The following HIRA variants were observed in gnomAD, a reference collection of about 807,000 sequenced individuals.
The protein encoded by HIRA is histone cell cycle regulator.
HIRA carries 13 observed loss-of-function variants against 126.6 expected under a neutral mutation model. The ratio of observed to expected loss-of-function variants is 0.10; its 90% confidence interval spans 0.07 to 0.16. The LOEUF (loss-of-function observed/expected upper bound fraction) is 0.16. Ranked by LOEUF, HIRA falls within the 10% of genes least tolerant of loss-of-function variation. The pLI is 1.00. For synonymous variants in HIRA, 511 were observed against 520.0 expected (o/e 0.98, Z 0.24); for missense variants, 834 against 1,314.4 (o/e 0.63, Z 5.65).
chr22:19,429,039 C>T (rs979871605), intron 1 of HIRA, among the ~76,000 whole-genome samples: 1 of 151,904 alleles, frequency 6.6e-6, no homozygotes, highest in Non-Finnish European at 1.5e-5. Context: ...CTTGACAGTC[C>T]TTCTGAACAT....
intron 1 of HIRA, among the ~76,000 whole-genome samples, chr22:19,416,329 TTTC>T (rs1376905589): frequency 6.6e-6 from 1 of 152,122 alleles, no homozygotes; most frequent in Admixed American, 6.6e-5. Context: ...CTTTCTTTCT[TTTC>T]TTTTTTTTTG....
At chr22:19,367,485 G>A (rs1030868736) in intron 15 of HIRA, among the ~76,000 whole-genome samples, 1 of 151,748 alleles carries the variant, frequency 6.6e-6, no homozygotes, top group African/African-American at 2.4e-5. Context: ...TCCTGCCTCA[G>A]CCTCCCAAGT....
intron 18 of HIRA, among the ~76,000 whole-genome samples, 168 bp from the exon 19 acceptor site, chr22:19,357,219 G>A (rs1325638612): frequency 6.6e-6 from 1 of 152,260 alleles, no homozygotes; most frequent in African/African-American, 2.4e-5. Context: ...TGGTGGGGCT[G>A]TTGGAGCCTC....
chr22:19,396,712 C>T, intron 7 of HIRA, 75 bp downstream of exon 7: 3 of 1,511,976 alleles, frequency 2.0e-6, no homozygotes, highest in Admixed American at 3.7e-5. Flanking sequence ...TGGCCAGCTC[C>T]CTCTCTGTAC....
intron 1 of HIRA, among the ~76,000 whole-genome samples, chr22:19,427,577 T>A (rs998843144): frequency 6.6e-6 from 1 of 152,230 alleles, no homozygotes; most frequent in Non-Finnish European, 1.5e-5. Context: ...CATAAGGCCA[T>A]GTGATTACCA....
In HIRA at chr22:19,419,935, C is replaced by T. The variant is rs186566240; in HGVS notation, c.38-9157G>A. On this transcript the variant is annotated intron_variant, in intron 1 of 24. Coordinates refer to ENST00000263208, the MANE Select transcript of HIRA (RefSeq NM_003325.4). ...ACCACTTTCGACCACAAAAACTTAT[C>T]CCCATCTTCTTTAGTAAGCATGACA... Among the ~76,000 whole-genome samples, 8 of 152,296 alleles carry T rather than the reference C, an allele frequency of 5.3e-5. No homozygotes were observed. The East Asian group carries it at 1.5e-3, about 29-fold the overall frequency.
chr22:19,385,450 C>A lies in HIRA; in HGVS notation c.1329+71G>T, dbSNP rs115241676. The A allele has an allele frequency of 3.5e-6, 5 of 1,436,352 alleles. No homozygotes were observed. The East Asian group carries it at 1.1e-4, about 33-fold the overall frequency. 89.0% of individuals were successfully genotyped at this position (1,436,352 alleles called of 1,614,324 possible). ...TAAACAAACCCCTTCCTTACCACCA[C>A]TGGTGTCTGCCCCTCACCCTGTCCC... On this transcript the variant is annotated intron_variant, in intron 12 of 24. Transcript: ENST00000263208.
intron 21 of HIRA, among the ~76,000 whole-genome samples, chr22:19,355,058 G>A (rs543594554): frequency 9.2e-4 from 140 of 152,058 alleles, no homozygotes; most frequent in Non-Finnish European, 1.5e-3. Flanking sequence ...GTGAGCCATC[G>A]CACCCAGCAG....
At chr22:19,360,922 G>A (rs777187941) in intron 17 of HIRA, among the ~76,000 whole-genome samples, 21 of 152,178 alleles carry the variant, frequency 1.4e-4, no homozygotes, top group Non-Finnish European at 2.4e-4. Context: ...GTGTGTGGAG[G>A]TGGAGGTGGC....
At chr22:19,335,913 C>G (rs1556005854) in intron 24 of HIRA, among the ~76,000 whole-genome samples, 1 of 152,214 alleles carries the variant, frequency 6.6e-6, no homozygotes, top group African/African-American at 2.4e-5. Context: ...GTCAGTAGGT[C>G]TGTTTAGAAA....
chr22:19,359,051 G>A (rs1028288401), intron 18 of HIRA, among the ~76,000 whole-genome samples: 2 of 152,180 alleles, frequency 1.3e-5, no homozygotes, highest in Non-Finnish European at 2.9e-5. Flanking sequence ...TGGGGATCTG[G>A]CTGGACAAGG....
At chr22:19,383,209 T>C (rs1331096708) in intron 13 of HIRA, among the ~76,000 whole-genome samples, 2 of 152,196 alleles carry the variant, frequency 1.3e-5, no homozygotes, top group African/African-American at 2.4e-5. Flanking sequence ...TGATTATGGA[T>C]AATGTTTTTT....
chr22:19,389,400 AT>A (rs1404809157), intron 9 of HIRA, among the ~76,000 whole-genome samples: 2 of 152,094 alleles, frequency 1.3e-5, no homozygotes, highest in African/African-American at 4.8e-5. Context: ...CTGCAGGACA[AT>A]GGGCAGGGAA....
Position 19,331,219 on chromosome 22 carries a change from G to A in HIRA, c.*221C>T, listed in dbSNP as rs2088481544. The stretch of plus-strand genomic sequence containing the variant: ...CTCCAGCCCTAGCTCCGCATCGGGG[G>A]CTTGGAGGGAGGGATGAGCTTCCCC... On this transcript the variant is annotated 3_prime_UTR_variant, in exon 25 of 25. Transcript: ENST00000263208. 2 of 1,470,408 alleles carry A rather than the reference G, an allele frequency of 1.4e-6. No homozygotes were observed. Among genetic ancestry groups the A allele is most frequent in the East Asian group, 5.7e-5 (2 of 35,246 alleles). 91.1% of individuals were successfully genotyped at this position (1,470,408 alleles called of 1,614,324 possible). A position where few individuals can be genotyped will look rare whatever the true frequency, so the allele number is the denominator to read the frequency against.
At chr22:19,411,754 C>T (rs1443731635) in intron 1 of HIRA, among the ~76,000 whole-genome samples, 2 of 152,132 alleles carry the variant, frequency 1.3e-5, no homozygotes, top group Non-Finnish European at 2.9e-5. Flanking sequence ...CTCTGTCACC[C>T]AAGAGGAGGC....
intron 1 of HIRA, among the ~76,000 whole-genome samples, chr22:19,415,222 A>T (rs2052303737): frequency 6.6e-6 from 1 of 152,228 alleles, no homozygotes; most frequent in South Asian, 2.1e-4. Flanking sequence ...GCTAATAATG[A>T]ATTCAGCAAA....
chr22:19,377,775 C>A, intron 14 of HIRA, 94 bp downstream of exon 14: 1 of 1,158,640 alleles, frequency 8.6e-7, no homozygotes, highest in Non-Finnish European at 1.2e-6. Flanking sequence ...GAAGGGGCCA[C>A]AAAGTGCAAA....
intron 1 of HIRA, among the ~76,000 whole-genome samples, chr22:19,423,751 A>C (rs2089467972): frequency 6.6e-6 from 1 of 152,206 alleles, no homozygotes; most frequent in Non-Finnish European, 1.5e-5. Flanking sequence ...ATCGAGGCAG[A>C]CAATGCTTTT....
At chr22:19,353,561 C>T (rs782324372) in intron 22 of HIRA, 42 bp from the exon 23 acceptor site, 1 of 1,549,694 alleles carries the variant, frequency 6.5e-7, no homozygotes, top group Non-Finnish European at 8.7e-7. Context: ...GCAGCAGGCA[C>T]TACACAGAGT....
Sources: allele counts gnomAD v4.1 joint callset (sites outside exome capture counted in the v4.1 genomes callset), GRCh38; gene constraint gnomAD v4.1.1; transcripts MANE v1.5; gene names NCBI Gene and HGNC (gene_info 2026-07-23, HGNC 2026-07-21).